Variants in CCDC170 observed in about 807,000 individuals in gnomAD.
CCDC170 encodes coiled-coil domain-containing protein 170.
A neutral mutation model predicts 72.6 loss-of-function variants in CCDC170; 69 were observed. That is an observed-to-expected ratio of 0.95 (90% CI 0.78 to 1.16). The LOEUF (loss-of-function observed/expected upper bound fraction) is 1.16. Among genes scored for constraint, CCDC170 ranks in the 50% most tolerant of loss-of-function variants. The pLI, the probability that CCDC170 is intolerant of heterozygous loss-of-function variation, is 0.00. For synonymous variants in CCDC170, 300 were observed against 303.9 expected (o/e 0.99, Z 0.13); for missense variants, 852 against 832.5 (o/e 1.02, Z -0.29).
chr6:151,578,798 G>A (rs1322359896), intron 6 of CCDC170, among the ~76,000 whole-genome samples: 3 of 152,178 alleles, frequency 2.0e-5, no homozygotes, highest in Admixed American at 6.5e-5. Flanking sequence ...ATTATAGCTT[G>A]AGTAATTGGA....
intron 1 of CCDC170, among the ~76,000 whole-genome samples, chr6:151,525,373 A>G (rs1175491526): frequency 6.6e-6 from 1 of 152,212 alleles, no homozygotes; most frequent in Non-Finnish European, 1.5e-5. Flanking sequence ...GCAGAACCAC[A>G]AAAGAAGTGA....
intron 8 of CCDC170, among the ~76,000 whole-genome samples, chr6:151,594,699 T>C (rs920830598): frequency 1.3e-5 from 2 of 151,994 alleles, no homozygotes; most frequent in African/African-American, 4.8e-5. Context: ...TCGCCCAGGC[T>C]GGAGTGCAAT....
intron 1 of CCDC170, among the ~76,000 whole-genome samples, chr6:151,497,708 G>A (rs1164021188): frequency 2.0e-5 from 3 of 152,014 alleles, no homozygotes; most frequent in East Asian, 3.9e-4. Flanking sequence ...GGGTGCGGTG[G>A]CTCATGCTTG....
At chr6:151,576,817 G>A (rs1776309182) in intron 6 of CCDC170, among the ~76,000 whole-genome samples, 1 of 152,192 alleles carries the variant, frequency 6.6e-6, no homozygotes, top group Non-Finnish European at 1.5e-5. Flanking sequence ...TGTTGAGGAG[G>A]CTGCATGTCC....
intron 1 of CCDC170, among the ~76,000 whole-genome samples, chr6:151,528,826 A>C (rs1562272297): frequency 6.6e-6 from 1 of 152,128 alleles, no homozygotes. Context: ...CAACAGAGTA[A>C]GACTCTGTCT....
At chr6:151,544,350 T>A (rs1039972176) in intron 3 of CCDC170, among the ~76,000 whole-genome samples, 2 of 152,202 alleles carry the variant, frequency 1.3e-5, no homozygotes, top group African/African-American at 2.4e-5. Flanking sequence ...GATTTCCTTA[T>A]ATTTCTGCAA....
At chr6:151,546,638 G>A (rs1229692308) in intron 4 of CCDC170, among the ~76,000 whole-genome samples, 1 of 152,010 alleles carries the variant, frequency 6.6e-6, no homozygotes, top group Non-Finnish European at 1.5e-5. Context: ...CAGACAGCTC[G>A]GGTCAGCCCC....
chr6:151,551,710 C>T (rs1246194396), intron 5 of CCDC170, among the ~76,000 whole-genome samples: 1 of 152,036 alleles, frequency 6.6e-6, no homozygotes, highest in African/African-American at 2.4e-5. Context: ...GTGAGTGAGC[C>T]CAGCAGGGAA....
intron 5 of CCDC170, among the ~76,000 whole-genome samples, chr6:151,567,145 C>T (rs1448986940): frequency 2.6e-5 from 4 of 152,100 alleles, no homozygotes; most frequent in South Asian, 2.1e-4. Context: ...TCTTGAACTC[C>T]GGACCTCAGG....
chr6:151,525,062 G>A (rs1030660463), intron 1 of CCDC170, among the ~76,000 whole-genome samples: 34 of 150,988 alleles, frequency 2.3e-4, no homozygotes, highest in Admixed American at 5.3e-4. Flanking sequence ...CCTCCCTAGT[G>A]GCTGGGACTA....
intron 9 of CCDC170, among the ~76,000 whole-genome samples, chr6:151,614,923 A>G (rs1452528213): frequency 6.6e-6 from 1 of 152,140 alleles, no homozygotes; most frequent in African/African-American, 2.4e-5. Context: ...TCCCAGACTC[A>G]CTGGTAAAGT....
At chr6:151,507,586 G>A in intron 1 of CCDC170, among the ~76,000 whole-genome samples, 1 of 152,188 alleles carries the variant, frequency 6.6e-6, no homozygotes, top group Non-Finnish European at 1.5e-5. Context: ...AGGCAGCCCT[G>A]TAGGGAGATG....
intron 1 of CCDC170, among the ~76,000 whole-genome samples, chr6:151,514,262 C>T (rs1274423052): frequency 6.7e-6 from 1 of 150,148 alleles, no homozygotes; most frequent in Non-Finnish European, 1.5e-5. Context: ...GATCATGCCA[C>T]TGCACTCCAG....
chr6:151,514,857 G>T (rs1181654028), intron 1 of CCDC170, among the ~76,000 whole-genome samples: 3 of 152,138 alleles, frequency 2.0e-5, no homozygotes, highest in Admixed American at 1.3e-4. Flanking sequence ...TGAAGCCTTG[G>T]CAGAACCATT....
intron 5 of CCDC170, among the ~76,000 whole-genome samples, chr6:151,561,091 A>G (rs912079860): frequency 1.3e-5 from 2 of 151,986 alleles, no homozygotes; most frequent in Non-Finnish European, 1.5e-5. Flanking sequence ...GTGTGGGTAC[A>G]TAGTGGGTGT....
chr6:151,589,357 G>T (rs1384628456), intron 7 of CCDC170, among the ~76,000 whole-genome samples: 1 of 152,098 alleles, frequency 6.6e-6, no homozygotes, highest in Non-Finnish European at 1.5e-5. Context: ...CCATCTAACT[G>T]CCTGCTGGAC....
intron 9 of CCDC170, among the ~76,000 whole-genome samples, chr6:151,607,177 G>T (rs1358243897): frequency 1.3e-5 from 2 of 152,092 alleles, no homozygotes; most frequent in African/African-American, 4.8e-5. Flanking sequence ...ATTTGAGACA[G>T]AAAAATATCC....
chr6:151,531,458 GC>G (rs1318385097), intron 1 of CCDC170, among the ~76,000 whole-genome samples: 8 of 152,094 alleles, frequency 5.3e-5, no homozygotes, highest in Non-Finnish European at 1.2e-4. Context: ...CAAAAAATTA[GC>G]CAGGTGTGGT....
chr6:151,573,555 C>T (rs1776260602), intron 6 of CCDC170, 64 bp downstream of exon 6: 2 of 1,441,458 alleles, frequency 1.4e-6, no homozygotes, highest in Non-Finnish European at 1.9e-6. Context: ...TTAGCATGCT[C>T]AGTGACTGTA....
Sources: allele counts gnomAD v4.1 joint callset (sites outside exome capture counted in the v4.1 genomes callset), GRCh38; gene constraint gnomAD v4.1.1; transcripts MANE v1.5; gene names NCBI Gene and HGNC (gene_info 2026-07-23, HGNC 2026-07-21).